Variants in B3GALT1 observed in about 807,000 individuals in gnomAD.
B3GALT1 encodes UDP-Gal:betaGlcNAc beta 1,3-galactosyltransferase, polypeptide 1.
In B3GALT1, 10 loss-of-function variants were observed where a neutral mutation model predicts 23.2. The observed-to-expected ratio is 0.43, with a 90% CI of 0.27 to 0.73. The LOEUF is 0.73. Ranked by LOEUF, B3GALT1 falls within the 30% of genes least tolerant of loss-of-function variation. B3GALT1 has a pLI of 0.21. For synonymous variants in B3GALT1, 156 were observed against 141.5 expected, an observed-to-expected ratio of 1.10 and a Z score of -0.73; for missense variants, 299 against 405.4, an observed-to-expected ratio of 0.74 and a Z score of 2.25.
At chr2:167,598,000 G>C (rs1275912182) in intron 2 of B3GALT1, among the ~76,000 whole-genome samples, 1 of 152,120 alleles carries the variant, frequency 6.6e-6, no homozygotes, top group Non-Finnish European at 1.5e-5. Flanking sequence ...GAAATGGAAA[G>C]TCATTTCACC....
At chr2:167,694,312 A>G (rs1686758765) in intron 3 of B3GALT1, among the ~76,000 whole-genome samples, 1 of 152,146 alleles carries the variant, frequency 6.6e-6, no homozygotes, top group Non-Finnish European at 1.5e-5. Flanking sequence ...GTGGAGTTGA[A>G]TGATAATTTA....
intron 1 of B3GALT1, among the ~76,000 whole-genome samples, chr2:167,468,498 C>T (rs972219037): frequency 7.9e-5 from 12 of 152,072 alleles, no homozygotes; most frequent in African/African-American, 1.7e-4. Context: ...TTAACATTTT[C>T]GATAATTTAA....
chr2:167,326,517 TC>T (rs1696897998), intron 1 of B3GALT1, among the ~76,000 whole-genome samples: 1 of 151,442 alleles, frequency 6.6e-6, no homozygotes. Flanking sequence ...TAGACCAATG[TC>T]CTGAAGAGGT....
chr2:167,564,189 G>A (rs1684098435), intron 2 of B3GALT1, among the ~76,000 whole-genome samples: 1 of 151,288 alleles, frequency 6.6e-6, no homozygotes, highest in South Asian at 2.1e-4. Context: ...TCTCAGACGG[G>A]GCGGCCGGGC....
At chr2:167,815,796 A>G (rs976570063) in intron 3 of B3GALT1, among the ~76,000 whole-genome samples, 11 of 152,222 alleles carry the variant, frequency 7.2e-5, no homozygotes, top group Admixed American at 4.6e-4. Flanking sequence ...AAAATTGTAA[A>G]CTAGATTAAA....
intron 2 of B3GALT1, among the ~76,000 whole-genome samples, chr2:167,570,502 A>G (rs1055457180): frequency 2.0e-5 from 3 of 151,888 alleles, no homozygotes; most frequent in Admixed American, 6.6e-5. Flanking sequence ...TCATATGTTT[A>G]TGCATTATTT....
chr2:167,486,578 T>C (rs902883611), intron 1 of B3GALT1, among the ~76,000 whole-genome samples: 12 of 151,100 alleles, frequency 7.9e-5, no homozygotes, highest in Admixed American at 6.6e-4. Context: ...ACTAGCTGGG[T>C]GTTGTGGCGC....
At chr2:167,444,986 T>C (rs977454847) in intron 1 of B3GALT1, among the ~76,000 whole-genome samples, 2 of 152,232 alleles carry the variant, frequency 1.3e-5, no homozygotes, top group Non-Finnish European at 2.9e-5. Context: ...TTTCCTGCTT[T>C]CTCTTTTGGG....
intron 3 of B3GALT1, among the ~76,000 whole-genome samples, chr2:167,755,503 T>TTG (rs1343451563): frequency 1.0e-4 from 15 of 145,284 alleles, no homozygotes; most frequent in Non-Finnish European, 1.4e-4. Flanking sequence ...CTCCAATCAA[T>TTG]GAGGGGTGAG....
chr2:167,560,448 C>A (rs1371479644), intron 2 of B3GALT1, among the ~76,000 whole-genome samples: 2 of 151,886 alleles, frequency 1.3e-5, no homozygotes, highest in Non-Finnish European at 2.9e-5. Flanking sequence ...CAGATTCACA[C>A]ATAACAATAT....
intron 3 of B3GALT1, among the ~76,000 whole-genome samples, chr2:167,774,626 T>C (rs1558974854): frequency 6.6e-6 from 1 of 151,036 alleles, no homozygotes; most frequent in Non-Finnish European, 1.5e-5. Context: ...GCCTCCTGAG[T>C]AGCTGGGATT....
intron 3 of B3GALT1, among the ~76,000 whole-genome samples, chr2:167,657,228 C>G (rs1685969947): frequency 6.6e-6 from 1 of 151,980 alleles, no homozygotes; most frequent in East Asian, 1.9e-4. Context: ...AACTTTAAAG[C>G]TAAAGAGATA....
intron 3 of B3GALT1, among the ~76,000 whole-genome samples, chr2:167,690,713 A>G (rs1416609232): frequency 6.6e-6 from 1 of 152,160 alleles, no homozygotes; most frequent in African/African-American, 2.4e-5. Flanking sequence ...TTGTGTTTCA[A>G]AGAATGTATT....
At chr2:167,385,584 G>C (rs1268683970) in intron 1 of B3GALT1, among the ~76,000 whole-genome samples, 1 of 66,578 alleles carries the variant, frequency 1.5e-5, no homozygotes, top group Non-Finnish European at 4.8e-5. Flanking sequence ...TAGGAACAAA[G>C]ACTAGCTTTC....
At position 167,668,530 on chromosome 2, in the gene B3GALT1, C is replaced by T. The variant is rs573055087; in HGVS notation, c.-352+21564C>T. 8.7e-4 allele frequency among the ~76,000 whole-genome samples: 132 copies of T among 152,288 alleles called. 1 individual carries two copies. Among genetic ancestry groups the T allele is most frequent in the South Asian group, 3.5e-3 (17 of 4,818 alleles). ...TTACCTAAGCAAGCCTGGGCAATGG[C>T]GGGCACCCCTCCCCCAGCCTCGCTG... On this transcript the variant is annotated intron_variant, in intron 3 of 4. Transcript: ENST00000392690.
intron 2 of B3GALT1, among the ~76,000 whole-genome samples, chr2:167,526,857 A>G (rs1206244610): frequency 1.3e-5 from 2 of 152,196 alleles, no homozygotes; most frequent in Non-Finnish European, 2.9e-5. Context: ...ATATATTTCT[A>G]CTACCTACAA....
chr2:167,506,202 T>C (rs1699915150), intron 2 of B3GALT1, among the ~76,000 whole-genome samples: 1 of 152,212 alleles, frequency 6.6e-6, no homozygotes, highest in African/African-American at 2.4e-5. Flanking sequence ...TCTGTTTTCA[T>C]ATAAGTCGTG....
intron 1 of B3GALT1, among the ~76,000 whole-genome samples, chr2:167,377,596 T>A (rs897242086): frequency 5.3e-5 from 8 of 152,150 alleles, no homozygotes; most frequent in African/African-American, 1.2e-4. Flanking sequence ...CTTTGTCCTT[T>A]TTTACTTTGG....
At chr2:167,440,894 G>C (rs543993487) in intron 1 of B3GALT1, among the ~76,000 whole-genome samples, 1 of 150,894 alleles carries the variant, frequency 6.6e-6, no homozygotes, top group African/African-American at 2.4e-5. Context: ...TTTCTCTTTA[G>C]CCTTCAATAT....
Sources: allele counts gnomAD v4.1 joint callset (sites outside exome capture counted in the v4.1 genomes callset), GRCh38; gene constraint gnomAD v4.1.1; transcripts MANE v1.5; gene names NCBI Gene and HGNC (gene_info 2026-07-23, HGNC 2026-07-21).